Variants in RABGEF1 observed in about 807,000 individuals in gnomAD.
RABGEF1 encodes rab5 GDP/GTP exchange factor.
RABGEF1 carries 26 observed loss-of-function variants against 57.3 expected under a neutral mutation model. The observed-to-expected ratio is 0.45, with a 90% CI of 0.33 to 0.63. The LOEUF (loss-of-function observed/expected upper bound fraction) is 0.63, where lower values mean the gene tolerates loss of function less well. RABGEF1 is among the 20% of genes least tolerant of loss of function. The pLI, the probability that RABGEF1 is intolerant of heterozygous loss-of-function variation, is 0.02. For missense variants in RABGEF1, 464 were observed against 607.6 expected, an observed-to-expected ratio of 0.76 and a Z score of 2.48; for synonymous variants, 185 against 210.7, an observed-to-expected ratio of 0.88 and a Z score of 1.06.
At chr7:66,787,986 T>C (rs1811610597) in intron 4 of RABGEF1, among the ~76,000 whole-genome samples, 1 of 152,244 alleles carries the variant, frequency 6.6e-6, no homozygotes, top group African/African-American at 2.4e-5. Context: ...AAAACTCTTT[T>C]GCTGCTCAAA....
the RABGEF1 span, among the ~76,000 whole-genome samples, chr7:66,670,958 TCTTA>T: frequency 5.3e-5 from 8 of 151,456 alleles, no homozygotes; most frequent in South Asian, 2.1e-4. Context: ...CTTCCACTGG[TCTTA>T]CTTAATGTGT....
intron 1 of RABGEF1, among the ~76,000 whole-genome samples, chr7:66,704,301 T>A (rs902867528): frequency 1.3e-5 from 2 of 152,166 alleles, no homozygotes; most frequent in South Asian, 2.1e-4. Flanking sequence ...TGCAGGTTTT[T>A]AAAAAAATTT....
At chr7:66,778,739 T>G (rs924214951) in intron 3 of RABGEF1, among the ~76,000 whole-genome samples, 1 of 152,130 alleles carries the variant, frequency 6.6e-6, no homozygotes, top group African/African-American at 2.4e-5. Context: ...TTCAATATTT[T>G]GGGGACATTT....
chr7:66,694,994 AG>A (rs1476191994), intron 1 of RABGEF1, among the ~76,000 whole-genome samples: 2 of 152,128 alleles, frequency 1.3e-5, no homozygotes, highest in Admixed American at 1.3e-4. Flanking sequence ...GTCAAGCCAC[AG>A]GGTGGAGGAA....
intron 1 of RABGEF1, among the ~76,000 whole-genome samples, chr7:66,749,789 G>C (rs1276158725): frequency 2.0e-5 from 3 of 152,104 alleles, no homozygotes; most frequent in African/African-American, 7.2e-5. Context: ...GGCTAACACA[G>C]TTAAACCCCG....
chr7:66,700,137 G>C (rs996042873), intron 1 of RABGEF1, among the ~76,000 whole-genome samples: 1 of 152,172 alleles, frequency 6.6e-6, no homozygotes, highest in Non-Finnish European at 1.5e-5. Flanking sequence ...AGGGAGGGAC[G>C]GAGGCCCAGC....
chr7:66,773,900 A>G (rs1427032696), intron 2 of RABGEF1: 3 of 416,440 alleles, frequency 7.2e-6, no homozygotes, highest in Non-Finnish European at 1.4e-5. Context: ...TCCTGAGCTC[A>G]AGTGATCCGG....
intron 1 of RABGEF1, among the ~76,000 whole-genome samples, chr7:66,702,414 T>C (rs959213606): frequency 2.0e-5 from 3 of 151,464 alleles, no homozygotes; most frequent in Non-Finnish European, 4.4e-5. Flanking sequence ...GTCTGACTTT[T>C]GGGTATTTTG....
At chr7:66,692,382 A>C (rs564059197) in intron 1 of RABGEF1, among the ~76,000 whole-genome samples, 1 of 152,078 alleles carries the variant, frequency 6.6e-6, no homozygotes, top group African/African-American at 2.4e-5. Flanking sequence ...CACCTACAGC[A>C]TTGTCTTAAG....
chr7:66,691,541 T>G (rs565648939), intron 1 of RABGEF1, among the ~76,000 whole-genome samples: 1 of 152,296 alleles, frequency 6.6e-6, no homozygotes, highest in East Asian at 1.9e-4. Context: ...TTACAATGGT[T>G]TGACTTGGGA....
rs914860866 is a variant in RABGEF1 at position 66,795,605 on chromosome 7, G to T, written c.595+13G>T. 6.3e-7 allele frequency: 1 copy of T among 1,582,916 alleles called. No individual in the cohort carries two copies. The highest frequency in any genetic ancestry group is 1.3e-5 in the African/African-American group (1 of 74,322). On this transcript the variant is annotated intron_variant, in intron 5 of 8. Transcript: ENST00000284957. ...ACTCGTGGGAAAGGTAACACTGTTA[G>T]CCATTGAGAGATTGCGGGTATTGCA...
chr7:66,738,231 C>A (rs1250490891), upstream of RABGEF1, among the ~76,000 whole-genome samples: 2 of 152,052 alleles, frequency 1.3e-5, no homozygotes, highest in African/African-American at 4.8e-5. Context: ...GTTGGCCAGG[C>A]TGGTCTCAAA....
chr7:66,799,974 T>C (rs533986703), intron 7 of RABGEF1, among the ~76,000 whole-genome samples: 1 of 152,278 alleles, frequency 6.6e-6, no homozygotes, highest in African/African-American at 2.4e-5. Context: ...CTAATAAGGT[T>C]TGTTTCTCAT....
chr7:66,718,328 C>T (rs1381401055), intron 2 of RABGEF1, among the ~76,000 whole-genome samples: 1 of 152,124 alleles, frequency 6.6e-6, no homozygotes, highest in Non-Finnish European at 1.5e-5. Context: ...GCCTGGGTGA[C>T]AGAGCAAGAC....
chr7:66,663,219 GA>G, the RABGEF1 span, among the ~76,000 whole-genome samples: 1 of 152,222 alleles, frequency 6.6e-6, no homozygotes, highest in Non-Finnish European at 1.5e-5. Context: ...AATATCTCTA[GA>G]AACAATGCTA....
intron 1 of RABGEF1, among the ~76,000 whole-genome samples, chr7:66,758,348 G>A (rs754394922): frequency 1.3e-5 from 2 of 152,218 alleles, no homozygotes; most frequent in South Asian, 2.1e-4. Flanking sequence ...AAAACCTAGC[G>A]CCGAGGCACA....
At chr7:66,771,719 C>G (rs1190127233) in intron 1 of RABGEF1, among the ~76,000 whole-genome samples, 164 bp from the exon 2 acceptor site, 1 of 151,908 alleles carries the variant, frequency 6.6e-6, no homozygotes, top group African/African-American at 2.4e-5. Flanking sequence ...ATTTAACATT[C>G]TTTTTTCTTC....
chr7:66,687,697 A>G (rs982319305), intron 1 of RABGEF1, among the ~76,000 whole-genome samples: 1 of 152,160 alleles, frequency 6.6e-6, no homozygotes, highest in African/African-American at 2.4e-5. Context: ...AACATGATCC[A>G]TCTATATACT....
intron 1 of RABGEF1, among the ~76,000 whole-genome samples, chr7:66,754,103 A>G (rs1359381287): frequency 4.7e-5 from 7 of 149,184 alleles, no homozygotes; most frequent in African/African-American, 9.8e-5. Flanking sequence ...CCTGGGTTCA[A>G]GCGATTCTCC....
Sources: gnomAD v4.1 joint callset for allele counts (sites outside exome capture counted in the v4.1 genomes callset) on GRCh38, gnomAD v4.1.1 for gene constraint, MANE v1.5 for transcripts, NCBI Gene and HGNC (gene_info 2026-07-23, HGNC 2026-07-21) for gene names.